ADK: variants seen among roughly 807,000 people sequenced by gnomAD.
The protein encoded by ADK is N6,N6-dimethyladenosine kinase.
A neutral mutation model predicts 44.7 loss-of-function variants in ADK; 24 were observed. The observed-to-expected ratio is 0.54, with a 90% CI of 0.39 to 0.76. ADK has a LOEUF of 0.76. ADK is among the 30% of genes least tolerant of loss of function. The pLI, the probability that ADK is intolerant of heterozygous loss-of-function variation, is 0.00. For missense variants in ADK, 321 were observed against 425.1 expected (o/e 0.76, Z 2.15); for synonymous variants, 128 against 142.6 (o/e 0.90, Z 0.73).
intron 6 of ADK, among the ~76,000 whole-genome samples, chr10:74,495,686 C>T (rs1218561565): frequency 6.6e-6 from 1 of 152,184 alleles, no homozygotes; most frequent in Non-Finnish European, 1.5e-5. Flanking sequence ...GTTCCTGAGT[C>T]TGAAGCCTTT....
At chr10:74,398,300 G>A (rs1222161291) in intron 5 of ADK, among the ~76,000 whole-genome samples, 171 bp from the exon 6 acceptor site, 1 of 151,792 alleles carries the variant, frequency 6.6e-6, no homozygotes, top group Non-Finnish European at 1.5e-5. Flanking sequence ...GCCTCAGAAA[G>A]TTCTCAAAAC....
At chr10:74,438,875 A>C (rs2133123335) in intron 6 of ADK, among the ~76,000 whole-genome samples, 1 of 152,280 alleles carries the variant, frequency 6.6e-6, no homozygotes, top group African/African-American at 2.4e-5. Flanking sequence ...CAGTATCATC[A>C]CCATTCAAAA....
intron 3 of ADK, among the ~76,000 whole-genome samples, chr10:74,241,552 A>C (rs142179189): frequency 3.3e-5 from 5 of 151,990 alleles, no homozygotes; most frequent in African/African-American, 1.2e-4. Context: ...TGACCGGCAA[A>C]TTTTTGTATT....
chr10:74,416,033 T>TACACAC (rs71475283), intron 6 of ADK, among the ~76,000 whole-genome samples: 8 of 145,332 alleles, frequency 5.5e-5, no homozygotes, highest in East Asian at 4.0e-4. Flanking sequence ...CATACATATA[T>TACACAC]ACACACACAC....
At chr10:74,707,384 A>G (rs1014018366) in intron 10 of ADK, among the ~76,000 whole-genome samples, 2 of 152,138 alleles carry the variant, frequency 1.3e-5, no homozygotes, top group African/African-American at 4.8e-5. Flanking sequence ...ATAATTATAT[A>G]TACACATTAC....
chr10:74,559,349 C>T lies in ADK; in HGVS notation c.727-29933C>T, dbSNP rs1007730180. On this transcript the variant is annotated intron_variant, in intron 7 of 10. Coordinates refer to ENST00000539909, the MANE Select transcript of ADK (RefSeq NM_006721.4). ...ACTTTAATTCTGTTTTGTATCTTCTCACATAAAATAGCTAGATCTCTTTTC... is the reference window on the plus strand; with the variant it reads ...ACTTTAATTCTGTTTTGTATCTTCTTACATAAAATAGCTAGATCTCTTTTC... Among the ~76,000 whole-genome samples the T allele has an allele frequency of 2.0e-5, 3 of 152,244 alleles. No individual in the cohort carries two copies. The East Asian group carries it at 5.8e-4, about 29-fold the overall frequency.
intron 6 of ADK, among the ~76,000 whole-genome samples, chr10:74,473,599 GT>G (rs1846693100): frequency 6.6e-6 from 1 of 152,158 alleles, no homozygotes. Flanking sequence ...TTTATCTGTT[GT>G]TTCCTTGTAA....
chr10:74,403,810 C>T (rs1203073447), intron 6 of ADK, among the ~76,000 whole-genome samples: 6 of 152,250 alleles, frequency 3.9e-5, no homozygotes, highest in East Asian at 1.9e-4. Context: ...AGAAATCACC[C>T]GTCTTCTGCA....
chr10:74,696,997 T>G (rs957901106), intron 10 of ADK, among the ~76,000 whole-genome samples: 5 of 152,170 alleles, frequency 3.3e-5, no homozygotes, highest in African/African-American at 4.8e-5. Flanking sequence ...TTTTTCCAGG[T>G]GAACAATGTA....
chr10:74,272,362 A>G (rs1433816114), intron 3 of ADK, among the ~76,000 whole-genome samples: 2 of 151,700 alleles, frequency 1.3e-5, no homozygotes, highest in Admixed American at 1.3e-4. Context: ...CTGCATGTCA[A>G]CCTCCTGGGC....
At chr10:74,359,802 C>G (rs528221949) in intron 4 of ADK, among the ~76,000 whole-genome samples, 2 of 152,126 alleles carry the variant, frequency 1.3e-5, no homozygotes, top group Middle Eastern at 3.4e-3. Flanking sequence ...TTTTCCTTTT[C>G]TCTTCAGTTT....
intron 6 of ADK, among the ~76,000 whole-genome samples, chr10:74,518,120 A>G (rs775694181): frequency 6.6e-6 from 1 of 152,138 alleles, no homozygotes; most frequent in African/African-American, 2.4e-5. Context: ...TATGGTTGTT[A>G]TATTTGTTAT....
rs191790664 is a variant in ADK, at chr10:74,680,165, A to C, written c.964+9896A>C. Among the ~76,000 whole-genome samples the C allele has an allele frequency of 3.9e-5, 6 of 151,974 alleles. No homozygotes were observed. In the East Asian group the frequency reaches 1.2e-3, roughly 29 times the overall value. Reference sequence around the variant, plus strand: ...CCGTCTCTACTAAAAATACAAAAAAATTAGCTGAGTGTGGTGGCAGACGCC... The same window carrying C: ...CCGTCTCTACTAAAAATACAAAAAACTTAGCTGAGTGTGGTGGCAGACGCC... On this transcript the variant is annotated intron_variant, in intron 10 of 10. Coordinates refer to ENST00000539909, the MANE Select transcript of ADK (RefSeq NM_006721.4).
chr10:74,663,072 C>T (rs1854804155), intron 9 of ADK, among the ~76,000 whole-genome samples: 1 of 151,748 alleles, frequency 6.6e-6, no homozygotes, highest in South Asian at 2.1e-4. Flanking sequence ...CCTATCTCTA[C>T]TAAAAGTACA....
Position 74,683,783 on chromosome 10 carries a change from A to T in ADK, c.964+13514A>T, listed in dbSNP as rs1432688298. ...GATAAAATACTTTCTACATGATCTC[A>T]CTGGTTTTGTCGTCCTCCGTAAGGG... On this transcript the variant is annotated intron_variant, in intron 10 of 10. Coordinates refer to ENST00000539909, the MANE Select transcript of ADK (RefSeq NM_006721.4). Among the ~76,000 whole-genome samples the T allele has an allele frequency of 2.0e-5, 3 of 152,170 alleles. No individual in the cohort carries two copies. In the East Asian group the frequency reaches 5.8e-4, roughly 29 times the overall value.
chr10:74,638,558 G>T (rs898781689), intron 9 of ADK, among the ~76,000 whole-genome samples: 3 of 152,198 alleles, frequency 2.0e-5, no homozygotes, highest in Non-Finnish European at 4.4e-5. Context: ...CCAGGAGGCT[G>T]AGGCAGGTGA....
At chr10:74,679,831 G>C (rs1855536324) in intron 10 of ADK, among the ~76,000 whole-genome samples, 2 of 151,776 alleles carry the variant, frequency 1.3e-5, no homozygotes, top group Admixed American at 1.3e-4. Context: ...TGTGGTGGTG[G>C]GTGCCTATAA....
At chr10:74,639,446 C>T (rs116116037) in intron 9 of ADK, among the ~76,000 whole-genome samples, 2,637 of 152,238 alleles carry the variant, frequency 0.017, 68 homozygotes, top group African/African-American at 0.06. Flanking sequence ...GAAAAATAAA[C>T]TAACACAGTG....
intron 3 of ADK, among the ~76,000 whole-genome samples, chr10:74,287,421 G>A (rs1025769865): frequency 1.1e-4 from 17 of 150,928 alleles, no homozygotes; most frequent in South Asian, 2.1e-4. Flanking sequence ...CCAAGATTGC[G>A]CCACTGCACT....
Sources: allele counts gnomAD v4.1 joint callset (sites outside exome capture counted in the v4.1 genomes callset), GRCh38; gene constraint gnomAD v4.1.1; transcripts MANE v1.5; gene names NCBI Gene and HGNC (gene_info 2026-07-23, HGNC 2026-07-21).